Variants in ZNF407 observed in about 807,000 individuals in gnomAD.
ZNF407 encodes the protein zinc finger protein 407.
A neutral mutation model predicts 131.2 loss-of-function variants in ZNF407; 17 were observed. The observed-to-expected ratio is 0.13, with a 90% CI of 0.09 to 0.19. The LOEUF (loss-of-function observed/expected upper bound fraction) is 0.19. Among genes scored for constraint, ZNF407 ranks in the 10% least tolerant of loss-of-function variants. The probability of loss-of-function intolerance (pLI) is 1.00; values close to 1 mark genes in which losing one functional copy is unlikely to be tolerated. For synonymous variants in ZNF407, 1,156 were observed against 1,062.0 expected, an observed-to-expected ratio of 1.09 and a Z score of -1.72; for missense variants, 2,681 against 2,830.6, an observed-to-expected ratio of 0.95 and a Z score of 1.20.
chr18:75,012,305 CACATAGTGTAT>C (rs1972985365), intron 8 of ZNF407, among the ~76,000 whole-genome samples: 5 of 104,804 alleles, frequency 4.8e-5, no homozygotes, highest in African/African-American at 1.4e-4. Flanking sequence ...AGTGTATGTA[CACATAGTGTAT>C]GTACACATAG....
intron 1 of ZNF407, among the ~76,000 whole-genome samples, chr18:74,607,525 A>T (rs1359764169): frequency 6.6e-6 from 1 of 151,654 alleles, no homozygotes; most frequent in Non-Finnish European, 1.5e-5. Context: ...TCACTGTGGC[A>T]TTTTCAGTCG....
chr18:74,623,190 GTGTC>G (rs1568317135), intron 1 of ZNF407, among the ~76,000 whole-genome samples: 1 of 151,836 alleles, frequency 6.6e-6, no homozygotes, highest in African/African-American at 2.4e-5. Flanking sequence ...GAATCCGTGT[GTGTC>G]TGTATGTCTG....
At chr18:74,640,308 CA>C (rs1482813883) in intron 2 of ZNF407, among the ~76,000 whole-genome samples, 1 of 152,006 alleles carries the variant, frequency 6.6e-6, no homozygotes, top group Non-Finnish European at 1.5e-5. Context: ...GAAATGACAA[CA>C]AATTTTGTAT....
chr18:74,794,207 G>C (rs1362419991), intron 4 of ZNF407, among the ~76,000 whole-genome samples: 1 of 152,168 alleles, frequency 6.6e-6, no homozygotes. Flanking sequence ...CCGCATACAT[G>C]ATGTCAGCGT....
chr18:74,904,616 CT>C (rs1971571467), intron 7 of ZNF407, among the ~76,000 whole-genome samples: 1 of 152,112 alleles, frequency 6.6e-6, no homozygotes, highest in Admixed American at 6.5e-5. Flanking sequence ...CCATTTCTTC[CT>C]TGTGATGTTC....
At chr18:74,886,250 G>A (rs572528370) in intron 6 of ZNF407, among the ~76,000 whole-genome samples, 8 of 152,150 alleles carry the variant, frequency 5.3e-5, no homozygotes, top group Non-Finnish European at 1.2e-4. Context: ...GGTGTAAAGC[G>A]TTGACTACAA....
At chr18:74,627,861 G>T (rs140593809) in intron 1 of ZNF407, among the ~76,000 whole-genome samples, 1 of 17,910 alleles carries the variant, frequency 5.6e-5, no homozygotes, top group African/African-American at 1.5e-4. Flanking sequence ...GCCCCGCCCC[G>T]CCCCTTTTCT....
At chr18:74,899,128 C>T (rs1971490181) in intron 7 of ZNF407, among the ~76,000 whole-genome samples, 1 of 152,150 alleles carries the variant, frequency 6.6e-6, no homozygotes, top group African/African-American at 2.4e-5. Flanking sequence ...ATCTGTTTCC[C>T]TCCAAAAGCA....
chr18:74,773,409 A>G (rs4891009), intron 3 of ZNF407, among the ~76,000 whole-genome samples: 100,537 of 142,374 alleles, frequency 0.71, 35,879 homozygotes, highest in East Asian at 0.96. Context: ...GTATCAAAGA[A>G]GAAGTGATCA....
At chr18:74,859,933 G>A (rs1018566720) in intron 4 of ZNF407, among the ~76,000 whole-genome samples, 3 of 152,182 alleles carry the variant, frequency 2.0e-5, no homozygotes, top group South Asian at 2.1e-4. Flanking sequence ...CTAAGAAAAC[G>A]AGAAACAAAT....
chr18:74,980,553 C>T (rs1972579523), intron 8 of ZNF407, among the ~76,000 whole-genome samples: 1 of 152,170 alleles, frequency 6.6e-6, no homozygotes, highest in East Asian at 1.9e-4. Flanking sequence ...GTGATCCACC[C>T]GCCTCGGCCT....
intron 6 of ZNF407, among the ~76,000 whole-genome samples, chr18:74,882,208 G>A (rs1159950102): frequency 6.6e-6 from 1 of 152,146 alleles, no homozygotes; most frequent in Non-Finnish European, 1.5e-5. Flanking sequence ...ATAATCTAAT[G>A]GGTCTTATGA....
intron 4 of ZNF407, among the ~76,000 whole-genome samples, chr18:74,843,990 T>C (rs1408989255): frequency 6.6e-6 from 1 of 152,252 alleles, no homozygotes; most frequent in East Asian, 1.9e-4. Context: ...TTCTAAGGTG[T>C]TAAAAATATA....
At chr18:74,743,585 C>A (rs1044202357) in intron 3 of ZNF407, among the ~76,000 whole-genome samples, 3 of 151,954 alleles carry the variant, frequency 2.0e-5, no homozygotes, top group African/African-American at 7.3e-5. Context: ...GTGATAAAAT[C>A]CTAATGAGTT....
chr18:74,998,465 T>G (rs1972804217), intron 8 of ZNF407, among the ~76,000 whole-genome samples: 2 of 152,204 alleles, frequency 1.3e-5, no homozygotes, highest in Admixed American at 6.5e-5. Flanking sequence ...TATAATGCTT[T>G]CTTTCTTTCA....
chr18:74,757,946 C>A (rs528854851), intron 3 of ZNF407, among the ~76,000 whole-genome samples: 2 of 152,026 alleles, frequency 1.3e-5, no homozygotes, highest in Non-Finnish European at 2.9e-5. Flanking sequence ...TGAATATAGC[C>A]GCTGCGGCTT....
At chr18:75,033,076 A>G (rs1256163234) in intron 8 of ZNF407, among the ~76,000 whole-genome samples, 2 of 117,636 alleles carry the variant, frequency 1.7e-5, no homozygotes, top group Non-Finnish European at 3.4e-5. Flanking sequence ...TTAGATAACT[A>G]AGAGTGCTCG....
intron 4 of ZNF407, among the ~76,000 whole-genome samples, chr18:74,829,979 G>A (rs2145116038): frequency 6.6e-6 from 1 of 152,236 alleles, no homozygotes; most frequent in African/African-American, 2.4e-5. Flanking sequence ...GGTTCTATGA[G>A]TTTATAAGGG....
chr18:75,000,918 C>T (rs986608344), intron 8 of ZNF407, among the ~76,000 whole-genome samples: 2 of 152,126 alleles, frequency 1.3e-5, no homozygotes, highest in Non-Finnish European at 2.9e-5. Flanking sequence ...CATTAAGGTG[C>T]GTAGATAGCC....
Sources: gnomAD v4.1 joint callset for allele counts (sites outside exome capture counted in the v4.1 genomes callset) on GRCh38, gnomAD v4.1.1 for gene constraint, MANE v1.5 for transcripts, NCBI Gene and HGNC (gene_info 2026-07-23, HGNC 2026-07-21) for gene names.